NCOA2: variants seen among roughly 807,000 people sequenced by gnomAD.
NCOA2 encodes nuclear receptor coactivator 2.
Under a neutral mutation model 145.1 loss-of-function variants are expected in NCOA2, and 21 were observed. That is an observed-to-expected ratio of 0.14 (90% CI 0.10 to 0.21). The LOEUF is 0.21. NCOA2 is among the 10% of genes least tolerant of loss of function. The probability of loss-of-function intolerance (pLI) is 1.00; values close to 1 mark genes in which losing one functional copy is unlikely to be tolerated. For synonymous variants in NCOA2, 619 were observed against 637.5 expected (o/e 0.97, Z 0.44); for missense variants, 1,472 against 1,837.6 (o/e 0.80, Z 3.64).
At chr8:70,340,432 A>G (rs1808023990) in intron 1 of NCOA2, among the ~76,000 whole-genome samples, 1 of 152,230 alleles carries the variant, frequency 6.6e-6, no homozygotes, top group South Asian at 2.1e-4. Flanking sequence ...GATTATTAAA[A>G]AGTCAAAAAC....
intron 4 of NCOA2, among the ~76,000 whole-genome samples, chr8:70,213,016 A>G (rs568582707): frequency 6.7e-6 from 1 of 148,238 alleles, no homozygotes; most frequent in South Asian, 2.3e-4. Context: ...CCGAGGAGGC[A>G]GAGGTTGCAG....
At chr8:70,325,680 G>A (rs1006441914) in intron 1 of NCOA2, among the ~76,000 whole-genome samples, 1 of 152,182 alleles carries the variant, frequency 6.6e-6, no homozygotes. Flanking sequence ...TGGGATTACA[G>A]GCGTGAGCTA....
chr8:70,446,364 G>A, the NCOA2 span, among the ~76,000 whole-genome samples: 391 of 152,218 alleles, frequency 2.6e-3, 1 homozygote, highest in African/African-American at 8.9e-3. Flanking sequence ...GCCTTCCAGA[G>A]GACTGTGGAA....
Position 70,344,640 on chromosome 8 carries a change from G to T in NCOA2, c.-76-47840C>A, listed in dbSNP as rs564944450. Among the ~76,000 whole-genome samples the T allele has an allele frequency of 3.9e-5, 6 of 152,206 alleles. No homozygotes were observed. The South Asian group carries it at 1.2e-3, about 32-fold the overall frequency. On this transcript the variant is annotated intron_variant, in intron 1 of 22. Transcript: ENST00000452400. ...AAATGAGACTCTATTCTGTGAAGTG[G>T]ATGAAAGATAGATGGCTTCTCTGGA...
At chr8:70,303,350 C>T (rs1351911349) in intron 1 of NCOA2, among the ~76,000 whole-genome samples, 2 of 152,102 alleles carry the variant, frequency 1.3e-5, no homozygotes, top group Non-Finnish European at 2.9e-5. Flanking sequence ...AAGAGGAAGA[C>T]CAGCAAAGAC....
At chr8:70,159,454 T>G in intron 10 of NCOA2, 51 bp downstream of exon 10, 1 of 1,463,664 alleles carries the variant, frequency 6.8e-7, no homozygotes. Context: ...GCTTTTGTAA[T>G]ATCTCCTCTT....
At chr8:70,138,429 G>A (rs1809994922) in intron 14 of NCOA2, 97 bp from the exon 15 acceptor site, 26 of 1,195,692 alleles carry the variant, frequency 2.2e-5, no homozygotes, top group Middle Eastern at 2.6e-4. Context: ...TATGAAAAAG[G>A]GAAAACACAG....
At chr8:70,232,194 C>A (rs1229061966) in intron 2 of NCOA2, among the ~76,000 whole-genome samples, 1 of 152,168 alleles carries the variant, frequency 6.6e-6, no homozygotes, top group Non-Finnish European at 1.5e-5. Flanking sequence ...CCAGCCCCTG[C>A]CCCTTTCCGT....
chr8:70,318,774 AAAG>A (rs1242887638), intron 1 of NCOA2, among the ~76,000 whole-genome samples: 1 of 152,160 alleles, frequency 6.6e-6, no homozygotes, highest in African/African-American at 2.4e-5. Context: ...AAAGAAAAAA[AAAG>A]AAGGAGGGGC....
intron 1 of NCOA2, among the ~76,000 whole-genome samples, chr8:70,315,546 G>A (rs1428078163): frequency 6.6e-6 from 1 of 152,084 alleles, no homozygotes; most frequent in African/African-American, 2.4e-5. Flanking sequence ...ACAAGACAAA[G>A]GGGAAGTCGC....
At chr8:70,229,039 A>T (rs1173425895) in intron 2 of NCOA2, among the ~76,000 whole-genome samples, 2 of 152,266 alleles carry the variant, frequency 1.3e-5, no homozygotes, top group Non-Finnish European at 2.9e-5. Context: ...TATTATATTT[A>T]GGGCAAAAAT....
intron 2 of NCOA2, among the ~76,000 whole-genome samples, chr8:70,259,951 T>G (rs1244945415): frequency 6.6e-6 from 1 of 152,158 alleles, no homozygotes; most frequent in Non-Finnish European, 1.5e-5. Context: ...AACACAAGGG[T>G]TATTAGCCAG....
rs1274254226 is a variant in NCOA2 at position 70,163,592 on chromosome 8, T to C, written c.731-26A>G. On this transcript the variant is annotated intron_variant, in intron 7 of 22. Transcript: ENST00000452400. ...CTTAAACCACACATGTTTACATTTATCATATTGGGCTTTTCTAGTGATTCA... is the reference window on the plus strand; with the variant it reads ...CTTAAACCACACATGTTTACATTTACCATATTGGGCTTTTCTAGTGATTCA... 4 of 1,576,814 alleles carry C rather than the reference T, an allele frequency of 2.5e-6. No homozygotes were observed. The African/African-American group carries it at 5.4e-5, about 21-fold the overall frequency.
At chr8:70,164,287 GT>G (rs1461372121) in intron 7 of NCOA2, among the ~76,000 whole-genome samples, 2 of 152,152 alleles carry the variant, frequency 1.3e-5, no homozygotes, top group East Asian at 3.9e-4. Context: ...AAAGGGAAAA[GT>G]TTTATTTATC....
At chr8:70,432,612 A>G in the NCOA2 span, among the ~76,000 whole-genome samples, 1 of 152,154 alleles carries the variant, frequency 6.6e-6, no homozygotes, top group Non-Finnish European at 1.5e-5. Flanking sequence ...TCAGTGAGCT[A>G]GGATTGCACC....
At chr8:70,306,670 G>C (rs897315167) in intron 1 of NCOA2, among the ~76,000 whole-genome samples, 1 of 152,084 alleles carries the variant, frequency 6.6e-6, no homozygotes, top group African/African-American at 2.4e-5. Context: ...ATTGAACTCA[G>C]GAGCTCAAGA....
At chr8:70,441,312 GAGGAA>G in the NCOA2 span, among the ~76,000 whole-genome samples, 3 of 138,116 alleles carry the variant, frequency 2.2e-5, no homozygotes, top group African/African-American at 5.4e-5. Context: ...AAAAGAGAAA[GAGGAA>G]AGGAGAGAGA....
chr8:70,246,368 G>A (rs1370843816), intron 2 of NCOA2, among the ~76,000 whole-genome samples: 1 of 152,100 alleles, frequency 6.6e-6, no homozygotes, highest in African/African-American at 2.4e-5. Context: ...GAAAAAGATG[G>A]TGTAAGGAAC....
intron 1 of NCOA2, among the ~76,000 whole-genome samples, chr8:70,325,120 A>T (rs1280181857): frequency 6.6e-6 from 1 of 152,186 alleles, no homozygotes; most frequent in Non-Finnish European, 1.5e-5. Flanking sequence ...CATGTACCTA[A>T]CCATTTCTTT....
Sources: allele counts gnomAD v4.1 joint callset (sites outside exome capture counted in the v4.1 genomes callset), GRCh38; gene constraint gnomAD v4.1.1; transcripts MANE v1.5; gene names NCBI Gene and HGNC (gene_info 2026-07-23, HGNC 2026-07-21).